FAM174B: variants seen among roughly 807,000 people sequenced by gnomAD.
FAM174B encodes family with sequence similarity 174 member B.
A neutral mutation model predicts 10.9 loss-of-function variants in FAM174B; 12 were observed. The observed-to-expected ratio is 1.10, with a 90% confidence interval of 0.71 to 1.79. FAM174B has a LOEUF of 1.79. Among genes scored for constraint, FAM174B ranks in the 40% most tolerant of loss-of-function variants. FAM174B has a pLI of 0.00. For synonymous variants in FAM174B, 132 were observed against 115.8 expected (o/e 1.14, Z -0.90); for missense variants, 266 against 233.3 (o/e 1.14, Z -0.91).
At chr15:92,639,797 G>C (rs1045606807) in intron 1 of FAM174B, among the ~76,000 whole-genome samples, 3 of 152,168 alleles carry the variant, frequency 2.0e-5, no homozygotes, top group South Asian at 2.1e-4. Context: ...CCATGTGAGT[G>C]CCTGCTCCCC....
intron 1 of FAM174B, among the ~76,000 whole-genome samples, chr15:92,631,381 T>TA (rs2050812326): frequency 3.3e-5 from 1 of 29,864 alleles, no homozygotes; most frequent in South Asian, 9.0e-4. Context: ...ATATAATATA[T>TA]TATATATTAT....
At position 92,631,387 on chromosome 15, in the gene FAM174B, AT is replaced by A. The variant is rs1341006754; in HGVS notation, c.345-1043del. ...TTATATTATATATAATATATTATAT[AT>A]TATATATTATATTATATTATATATA... is the stretch of plus-strand genomic sequence containing the variant. On this transcript the variant is annotated intron_variant, in intron 1 of 2. Transcript: ENST00000327355. 2.4e-4 allele frequency among the ~76,000 whole-genome samples: 9 copies of A among 38,124 alleles called. 1 individual carries two copies. The highest frequency in any genetic ancestry group is 9.7e-4 in the African/African-American group (6 of 6,212). The allele number at this position is 38,124 out of a possible 152,430, so 25.0% of individuals were successfully genotyped here.
intron 1 of FAM174B, among the ~76,000 whole-genome samples, chr15:92,638,536 T>G (rs1272931305): frequency 2.6e-5 from 4 of 152,150 alleles, no homozygotes; most frequent in Non-Finnish European, 4.4e-5. Flanking sequence ...TTAGACTCAG[T>G]TCAGTTTTGA....
At chr15:92,635,579 CTTTTTT>C (rs34666199) in intron 1 of FAM174B, among the ~76,000 whole-genome samples, 2 of 128,258 alleles carry the variant, frequency 1.6e-5, no homozygotes, top group African/African-American at 2.9e-5. Context: ...ATATTTCTTT[CTTTTTT>C]TTTTTTTTTT....
In FAM174B at chr15:92,642,981, T is replaced by C. The variant is rs140592339; in HGVS notation, c.344+12335A>G. 8.9e-3 allele frequency among the ~76,000 whole-genome samples: 1,350 copies of C among 152,302 alleles called. 11 individuals carry two copies. Among genetic ancestry groups the C allele is most frequent in the Non-Finnish European group, 0.013 (865 of 68,020 alleles). ...TATGAAAGACCAGAAAAGGGAAATC[T>C]ATACACAGAAAGAAAATTCAGAGAC... On this transcript the variant is annotated intron_variant, in intron 1 of 2. Transcript: ENST00000327355.
intron 2 of FAM174B, among the ~76,000 whole-genome samples, chr15:92,624,027 G>C (rs1198092982): frequency 1.3e-5 from 2 of 151,666 alleles, no homozygotes; most frequent in Non-Finnish European, 2.9e-5. Context: ...CATCCTCATA[G>C]ACATAGACAC....
chr15:92,628,884 T>G (rs1326116959), intron 2 of FAM174B, among the ~76,000 whole-genome samples: 1 of 152,182 alleles, frequency 6.6e-6, no homozygotes, highest in Admixed American at 6.5e-5. Flanking sequence ...AAAACATTTA[T>G]ACATAAATTT....
At chr15:92,630,155 G>A (rs137989186) in intron 2 of FAM174B, 59 bp downstream of exon 2, 842 of 1,584,824 alleles carry the variant, frequency 5.3e-4, no homozygotes, top group Admixed American at 1.4e-3. Context: ...GCCTGACCTC[G>A]AGGTCCCACC....
intron 2 of FAM174B, among the ~76,000 whole-genome samples, chr15:92,624,035 CA>C (rs2050737231): frequency 6.6e-6 from 1 of 152,068 alleles, no homozygotes; most frequent in African/African-American, 2.4e-5. Flanking sequence ...TAGACATAGA[CA>C]CAAGAATTTT....
chr15:92,641,658 C>T (rs574560218), intron 1 of FAM174B, among the ~76,000 whole-genome samples: 6 of 151,902 alleles, frequency 3.9e-5, no homozygotes, highest in African/African-American at 1.4e-4. Context: ...CAAAAATTAC[C>T]TCAAAATGGA....
At chr15:92,641,006 A>G (rs1192741243) in intron 1 of FAM174B, among the ~76,000 whole-genome samples, 2 of 152,160 alleles carry the variant, frequency 1.3e-5, no homozygotes, top group Admixed American at 1.3e-4. Flanking sequence ...CTAAAAACCA[A>G]TAAAAAAGAT....
chr15:92,644,972 G>C (rs2050916455), intron 1 of FAM174B, among the ~76,000 whole-genome samples: 1 of 152,170 alleles, frequency 6.6e-6, no homozygotes, highest in South Asian at 2.1e-4. Context: ...TTAAAACACT[G>C]TGCAGATCAA....
intron 1 of FAM174B, chr15:92,634,808 T>C (rs2050842443): frequency 6.6e-6 from 1 of 152,176 alleles, no homozygotes; most frequent in Non-Finnish European, 1.5e-5. Context: ...CCCTCCCTAA[T>C]GTGGGTGGGC....
intron 2 of FAM174B, among the ~76,000 whole-genome samples, chr15:92,621,440 T>C (rs192443716): frequency 1.8e-3 from 281 of 152,076 alleles, no homozygotes; most frequent in African/African-American, 6.7e-3. Context: ...ACTGAGAGCT[T>C]GTCTCTACAA....
intron 1 of FAM174B, among the ~76,000 whole-genome samples, chr15:92,632,998 G>A (rs2050829521): frequency 6.6e-6 from 1 of 152,126 alleles, no homozygotes; most frequent in Admixed American, 6.5e-5. Flanking sequence ...TTAGTGTGAT[G>A]ACTGACGTTC....
chr15:92,633,132 C>A (rs964723299), intron 1 of FAM174B, among the ~76,000 whole-genome samples: 1 of 152,022 alleles, frequency 6.6e-6, no homozygotes, highest in East Asian at 1.9e-4. Flanking sequence ...AAGTCATAAA[C>A]GGGGCACTGA....
chr15:92,643,974 G>A (rs975122833), intron 1 of FAM174B, among the ~76,000 whole-genome samples: 3 of 152,114 alleles, frequency 2.0e-5, no homozygotes, highest in African/African-American at 7.2e-5. Context: ...ACTAGCAGGC[G>A]ACCCTGAGCC....
chr15:92,631,268 TTATATTATATATAATATATTA>T (rs2050803934), intron 1 of FAM174B, among the ~76,000 whole-genome samples: 1 of 7,098 alleles, frequency 1.4e-4, no homozygotes, highest in African/African-American at 8.3e-4. Flanking sequence ...ATATTATATA[TTATATTATATATAATATATTA>T]TATATTATAT....
chr15:92,649,104 G>C lies in FAM174B; in HGVS notation c.344+6212C>G, dbSNP rs747396522. Among the ~76,000 whole-genome samples, 78 of 152,202 alleles carry C rather than the reference G, an allele frequency of 5.1e-4. 1 individual carries two copies. The highest frequency in any genetic ancestry group is 1.1e-3 in the Non-Finnish European group (74 of 68,042). ...CCCTTAGTCCCCACTGCTTACCCTAGATTTGCCTGGTGTCTCAAGAAGAAC... is the reference window on the plus strand; with the variant it reads ...CCCTTAGTCCCCACTGCTTACCCTACATTTGCCTGGTGTCTCAAGAAGAAC... On this transcript the variant is annotated intron_variant, in intron 1 of 2. Transcript: ENST00000327355.
Sources: gnomAD v4.1 joint callset for allele counts (sites outside exome capture counted in the v4.1 genomes callset) on GRCh38, gnomAD v4.1.1 for gene constraint, MANE v1.5 for transcripts, NCBI Gene and HGNC (gene_info 2026-07-23, HGNC 2026-07-21) for gene names.